The following PRSS12 variants were observed in gnomAD, a reference collection of about 807,000 sequenced individuals.
The protein encoded by PRSS12 is neurotrypsin.
In PRSS12, 85 loss-of-function variants were observed where a neutral mutation model predicts 104.4. The ratio of observed to expected loss-of-function variants is 0.81; its 90% CI spans 0.68 to 0.98. The LOEUF is 0.98. Among genes scored for constraint, PRSS12 ranks in the 50% least tolerant of loss-of-function variants. PRSS12 has a pLI of 0.00. For synonymous variants in PRSS12, 454 were observed against 425.2 expected (o/e 1.07, Z -0.83); for missense variants, 1,141 against 1,139.2 (o/e 1.00, Z -0.02).
At chr4:118,290,065 T>C (rs1206942473) in intron 11 of PRSS12, among the ~76,000 whole-genome samples, 17 of 152,178 alleles carry the variant, frequency 1.1e-4, no homozygotes, top group Admixed American at 1.1e-3. Context: ...ACTTTCATCA[T>C]GTAACAATCA....
intron 1 of PRSS12, among the ~76,000 whole-genome samples, chr4:118,343,779 T>G (rs181066307): frequency 9.5e-4 from 144 of 152,270 alleles, no homozygotes; most frequent in African/African-American, 3.3e-3. Context: ...TGCCTGCCTA[T>G]TTAGTTAACC....
At chr4:118,339,261 T>C (rs2126043190) in intron 1 of PRSS12, among the ~76,000 whole-genome samples, 1 of 152,282 alleles carries the variant, frequency 6.6e-6, no homozygotes, top group East Asian at 1.9e-4. Flanking sequence ...TAAAATTCTG[T>C]TTAAAATCAC....
intron 7 of PRSS12, among the ~76,000 whole-genome samples, chr4:118,312,766 C>T (rs972607054): frequency 5.9e-5 from 9 of 151,640 alleles, no homozygotes; most frequent in Non-Finnish European, 1.0e-4. Context: ...CAACGAACGA[C>T]AAGGCTTCAG....
chr4:118,352,682 C>A lies in PRSS12; in HGVS notation c.39G>T (p.Gly13=). ...CAAAGCCGACCACTTCGGGGAGCGC[C>A]CCTAACATCAGGGCTAGCACGAAGC... ...LARFVLALML[G]ALPEVVGFDS... The change falls in exon 1 of 13, where the codon GGG becomes GGT. Residue 13 remains glycine (G), a synonymous_variant. Transcript: ENST00000296498. 2 of 1,613,314 alleles carry A rather than the reference C, an allele frequency of 1.2e-6. No homozygotes were observed. Among genetic ancestry groups the A allele is most frequent in the Non-Finnish European group, 1.7e-6 (2 of 1,179,542 alleles).
At chr4:118,318,302 A>G in intron 5 of PRSS12, 76 bp downstream of exon 5, 1 of 1,390,648 alleles carries the variant, frequency 7.2e-7, no homozygotes, top group Non-Finnish European at 1.0e-6. Flanking sequence ...GTTGAAATTA[A>G]GGAGAAGGGA....
In PRSS12 at chr4:118,281,861, C is replaced by T. The variant is rs1742865178; in HGVS notation, c.*75G>A. ...AACAGATCTTGCCATTTGTTGTCAT[C>T]TCTGCTGAGTGCTAATAGTGGGGGT... On this transcript the variant is annotated 3_prime_UTR_variant, in exon 13 of 13. Transcript: ENST00000296498. The T allele has an allele frequency of 3.7e-6, 3 of 808,292 alleles. No individual in the cohort carries two copies. The highest frequency in any genetic ancestry group is 6.7e-6 in the Non-Finnish European group (3 of 445,932). 50.1% of individuals were successfully genotyped at this position (808,292 alleles called of 1,614,324 possible).
intron 4 of PRSS12, among the ~76,000 whole-genome samples, chr4:118,321,511 G>A (rs1723622781): frequency 6.6e-6 from 1 of 152,188 alleles, no homozygotes; most frequent in Admixed American, 6.5e-5. Context: ...GGCTTAGGAT[G>A]CAAAGCTGAA....
chr4:118,304,004 A>G (rs2126030704), intron 8 of PRSS12: 1 of 152,008 alleles, frequency 6.6e-6, no homozygotes, highest in South Asian at 2.1e-4. Context: ...TTTATTTTCT[A>G]TGTTTAATAA....
chr4:118,342,944 A>T (rs1372226609), intron 1 of PRSS12, among the ~76,000 whole-genome samples: 1 of 152,230 alleles, frequency 6.6e-6, no homozygotes, highest in Non-Finnish European at 1.5e-5. Flanking sequence ...CAACTTCGCT[A>T]GAAAACAGGA....
Position 118,281,789 on chromosome 4 carries a change from CAAAA to C in PRSS12, c.*143_*146del. 1 of 667,072 alleles carries C rather than the reference CAAAA, an allele frequency of 1.5e-6. No individual in the cohort carries two copies. Among genetic ancestry groups the C allele is most frequent in the Admixed American group, 2.2e-5 (1 of 45,542 alleles). 41.3% of individuals were successfully genotyped at this position (667,072 alleles called of 1,614,324 possible). On this transcript the variant is annotated 3_prime_UTR_variant, in exon 13 of 13. Transcript: ENST00000296498. ...CCTCTGAAAATGTTCACAAATTTCT[CAAAA>C]GCAGCAGGGGGTACACAATTTTTTA...
intron 4 of PRSS12, among the ~76,000 whole-genome samples, chr4:118,330,218 G>A (rs1185621605): frequency 1.3e-5 from 2 of 152,120 alleles, no homozygotes; most frequent in Non-Finnish European, 2.9e-5. Flanking sequence ...ACTTAAACCA[G>A]TGCTCAATTT....
chr4:118,310,983 G>T (rs1743696286), intron 7 of PRSS12, among the ~76,000 whole-genome samples: 1 of 152,082 alleles, frequency 6.6e-6, no homozygotes, highest in Non-Finnish European at 1.5e-5. Context: ...TCCGGGAGGT[G>T]GAGGTTGCAG....
intron 1 of PRSS12, among the ~76,000 whole-genome samples, chr4:118,349,890 T>C (rs1037515395): frequency 6.6e-6 from 1 of 151,774 alleles, no homozygotes; most frequent in African/African-American, 2.4e-5. Context: ...GTAATCCCAG[T>C]TACTCAAGAG....
Position 118,331,728 on chromosome 4 carries a change from T to C in PRSS12, c.959A>G (p.Gln320Arg). The change falls in exon 4 of 13, where the codon CAG becomes CGG. Residue 320 changes from glutamine (Q) to arginine (R), a missense_variant. Physicochemically the swap from Gln to Arg is conservative, Grantham distance 43. Transcript: ENST00000296498. ...DDADAEVICRQLGLSGIAKAW... is the reference protein window; with the variant it reads ...DDADAEVICRRLGLSGIAKAW... ...AGTAAAAACAAACCTGAGGCCCAGCTGCCTGCAGATCACTTCTGCATCGGC... is the reference window on the plus strand; with the variant it reads ...AGTAAAAACAAACCTGAGGCCCAGCCGCCTGCAGATCACTTCTGCATCGGC... The C allele has an allele frequency of 6.2e-7, 1 of 1,614,168 alleles. No homozygotes were observed. Among genetic ancestry groups the C allele is most frequent in the Non-Finnish European group, 8.5e-7 (1 of 1,180,030 alleles).
chr4:118,330,870 A>C (rs1195377548), intron 4 of PRSS12, among the ~76,000 whole-genome samples: 1 of 152,154 alleles, frequency 6.6e-6, no homozygotes, highest in African/African-American at 2.4e-5. Context: ...ATTACAAAAA[A>C]ATTGAACTGT....
chr4:118,352,613 C>G lies in PRSS12; in HGVS notation c.108G>C (p.Ser36=). 48 of 1,610,900 alleles carry G rather than the reference C, an allele frequency of 3.0e-5. No individual in the cohort carries two copies. The highest frequency in any genetic ancestry group is 4.1e-5 in the Non-Finnish European group (48 of 1,178,724). Residue 36 remains serine (S), a synonymous_variant, in exon 1 of 13, where the codon TCG becomes TCC. Coordinates refer to ENST00000296498, the MANE Select transcript of PRSS12 (RefSeq NM_003619.4). ...AGGGGTAGTGCGGACCCGCAGGGGG[C>G]GAATGGCGGTGGCTGTGGTGGAGGG... ...NDSLHHSHRH[S]PPAGPHYPYY...
intron 4 of PRSS12, among the ~76,000 whole-genome samples, chr4:118,323,778 A>C (rs1723693414): frequency 1.3e-5 from 2 of 152,014 alleles, no homozygotes; most frequent in South Asian, 4.1e-4. Flanking sequence ...AAAAACTCCT[A>C]GAAATGAATA....
At chr4:118,326,933 A>T (rs1723789224) in intron 4 of PRSS12, among the ~76,000 whole-genome samples, 1 of 152,192 alleles carries the variant, frequency 6.6e-6, no homozygotes, top group Non-Finnish European at 1.5e-5. Flanking sequence ...AAGAAGACTT[A>T]TCTTGGGCCA....
At chr4:118,329,484 A>G (rs1299020633) in intron 4 of PRSS12, among the ~76,000 whole-genome samples, 2 of 152,214 alleles carry the variant, frequency 1.3e-5, no homozygotes, top group East Asian at 1.9e-4. Flanking sequence ...CACTGAACAC[A>G]TAACTGATAA....
Sources: allele counts gnomAD v4.1 joint callset (sites outside exome capture counted in the v4.1 genomes callset), GRCh38; gene constraint gnomAD v4.1.1; transcripts MANE v1.5; gene names NCBI Gene and HGNC (gene_info 2026-07-23, HGNC 2026-07-21).